The following ZBBX variants were observed in gnomAD, a reference collection of about 807,000 sequenced individuals.
The protein encoded by ZBBX is zinc finger B-box domain-containing protein 1.
Under a neutral mutation model 108.5 loss-of-function variants are expected in ZBBX, and 101 were observed. The observed-to-expected ratio is 0.93, with a 90% confidence interval of 0.79 to 1.10. The LOEUF (loss-of-function observed/expected upper bound fraction) is 1.10, where lower values mean the gene tolerates loss of function less well. Ranked by LOEUF, ZBBX falls within the 50% of genes least tolerant of loss-of-function variation. The pLI, the probability that ZBBX is intolerant of heterozygous loss-of-function variation, is 0.00. For missense variants in ZBBX, 1,009 were observed against 941.4 expected (o/e 1.07, Z -0.94); for synonymous variants, 356 against 323.4 (o/e 1.10, Z -1.08).
intron 20 of ZBBX, among the ~76,000 whole-genome samples, chr3:167,265,836 G>A (rs896147694): frequency 9.2e-5 from 14 of 152,214 alleles, no homozygotes; most frequent in African/African-American, 2.9e-4. Flanking sequence ...CACTGGCTGA[G>A]CCCAGCACAG....
intron 9 of ZBBX, among the ~76,000 whole-genome samples, chr3:167,335,559 G>C (rs1739413552): frequency 6.6e-6 from 1 of 151,440 alleles, no homozygotes; most frequent in Admixed American, 6.6e-5. Flanking sequence ...CTCCAAACAA[G>C]AAAAATTTAG....
the ZBBX span, among the ~76,000 whole-genome samples, chr3:167,184,873 G>T: frequency 6.6e-6 from 1 of 152,240 alleles, no homozygotes; most frequent in African/African-American, 2.4e-5. Context: ...ATTTATATAA[G>T]AACCCAAATT....
chr3:167,257,997 T>C (rs1038899379), intron 20 of ZBBX, among the ~76,000 whole-genome samples: 9 of 152,202 alleles, frequency 5.9e-5, no homozygotes, highest in Non-Finnish European at 7.4e-5. Flanking sequence ...AAAAACTCTT[T>C]AGTTTAATTC....
chr3:167,330,868 GAGGAGAAGAAGA>G lies in ZBBX; in HGVS notation c.688-2764_688-2753del, dbSNP rs1331085827. 1.8e-3 allele frequency among the ~76,000 whole-genome samples: 79 copies of G among 43,330 alleles called. 3 individuals are homozygous for G. The East Asian group carries it at 0.037, about 20-fold the overall frequency. 28.4% of individuals were successfully genotyped at this position (43,330 alleles called of 152,430 possible). ...AGAGGAGGAGGAGGAGGAGGAGGAG[GAGGAGAAGAAGA>G]AGAAGAAGAAGAAGAAGAAGAAGAA... On this transcript the variant is annotated intron_variant, in intron 10 of 21. Coordinates refer to ENST00000675490, the MANE Select transcript of ZBBX (RefSeq NM_001199201.2).
chr3:167,328,253 CT>C, intron 10 of ZBBX, 137 bp from the exon 11 acceptor site: 1 of 878,122 alleles, frequency 1.1e-6, no homozygotes, highest in Non-Finnish European at 1.7e-6. Flanking sequence ...ACTTTTTAAA[CT>C]TAGAATATTT....
chr3:167,218,988 TC>T, the ZBBX span, among the ~76,000 whole-genome samples: 9 of 52,052 alleles, frequency 1.7e-4, no homozygotes, highest in Admixed American at 7.6e-4. Flanking sequence ...TATACTTGTA[TC>T]AAAAAAAAAA....
At chr3:167,328,768 A>G (rs980981117) in intron 10 of ZBBX, among the ~76,000 whole-genome samples, 5 of 152,178 alleles carry the variant, frequency 3.3e-5, no homozygotes, top group African/African-American at 1.2e-4. Flanking sequence ...ATCTTTACAT[A>G]GCCATTCCCT....
chr3:167,184,201 A>C, the ZBBX span, among the ~76,000 whole-genome samples: 1 of 152,324 alleles, frequency 6.6e-6, no homozygotes, highest in African/African-American at 2.4e-5. Flanking sequence ...AAGAAAATAA[A>C]ATTTCAGAAT....
chr3:167,204,881 A>C, the ZBBX span, among the ~76,000 whole-genome samples: 1 of 151,842 alleles, frequency 6.6e-6, no homozygotes, highest in African/African-American at 2.4e-5. Context: ...AGAAGATAAG[A>C]TATAGAGGAC....
At position 167,400,113 on chromosome 3, in the gene ZBBX, A is replaced by C. The variant is rs553733283; in HGVS notation, c.-446+7613T>G. Among the ~76,000 whole-genome samples the C allele has an allele frequency of 2.7e-4, 41 of 152,238 alleles. No homozygotes were observed. The South Asian group carries it at 8.3e-3, about 31-fold the overall frequency. ...CTTTATTCAATCCACCATTGATGGA[A>C]CCCTAAGTTGATTCCGTGTCTTTTT... On this transcript the variant is annotated intron_variant, in intron 1 of 21. Transcript: ENST00000455345.
chr3:167,354,161 T>G (rs950118874), intron 8 of ZBBX, among the ~76,000 whole-genome samples: 1 of 151,692 alleles, frequency 6.6e-6, no homozygotes, highest in African/African-American at 2.4e-5. Flanking sequence ...ATATCTTGTG[T>G]TTTTTTTAAC....
chr3:167,379,373 C>A (rs897862373), intron 2 of ZBBX, among the ~76,000 whole-genome samples: 2 of 152,148 alleles, frequency 1.3e-5, no homozygotes, highest in African/African-American at 4.8e-5. Context: ...TATTAAGTGT[C>A]TTGAAAGACA....
chr3:167,378,724 A>T lies in ZBBX; in HGVS notation c.-132+914T>A, dbSNP rs548022548. ...AAATGGAGCATCAAGATTGTGCTTTACCCTTAGCATCTCTGCTTTCATCTT... is the reference window on the plus strand; with the variant it reads ...AAATGGAGCATCAAGATTGTGCTTTTCCCTTAGCATCTCTGCTTTCATCTT... On this transcript the variant is annotated intron_variant, in intron 2 of 21. Transcript: ENST00000675490. 2.0e-5 allele frequency among the ~76,000 whole-genome samples: 3 copies of T among 152,236 alleles called. No individual in the cohort carries two copies. In the East Asian group the frequency reaches 5.8e-4, roughly 29 times the overall value.
chr3:167,322,141 T>C lies in ZBBX; in HGVS notation c.959A>G (p.Lys320Arg). The change falls in exon 12 of 22, where the codon AAA (lysine) becomes AGA (arginine). Residue 320 changes from lysine (K) to arginine (R), a missense_variant. Coordinates refer to ENST00000675490, the MANE Select transcript of ZBBX (RefSeq NM_001199201.2). ...LKEDILSYMEKLWLKKHRRTP... is the reference protein window; with the variant it reads ...LKEDILSYMERLWLKKHRRTP... ...CCTCCTGTGTTTTTTAAGCCATAAT[T>C]TTTCCATATAGGATAGAATGTCTTC... is the stretch of plus-strand genomic sequence containing the variant. The C allele has an allele frequency of 7.4e-7, 1 of 1,343,850 alleles. No individual in the cohort carries two copies. Among genetic ancestry groups the C allele is most frequent in the Non-Finnish European group, 9.8e-7 (1 of 1,018,584 alleles). The allele number at this position is 1,343,850 out of a possible 1,614,324, so 83.2% of individuals were successfully genotyped here.
intron 20 of ZBBX, among the ~76,000 whole-genome samples, chr3:167,247,404 C>T (rs1204047035): frequency 6.6e-6 from 1 of 152,152 alleles, no homozygotes; most frequent in Non-Finnish European, 1.5e-5. Context: ...TCTCCCTTCT[C>T]GCTTCCCCAT....
At chr3:167,387,850 AC>A (rs1747965635) in intron 1 of ZBBX, among the ~76,000 whole-genome samples, 1 of 151,986 alleles carries the variant, frequency 6.6e-6, no homozygotes, top group Non-Finnish European at 1.5e-5. Context: ...AGGATGACCC[AC>A]GTGTATTTAT....
At chr3:167,291,583 A>T (rs1278227857) in intron 18 of ZBBX, among the ~76,000 whole-genome samples, 1 of 152,230 alleles carries the variant, frequency 6.6e-6, no homozygotes. Flanking sequence ...AACAAATGGT[A>T]CCAGACACTG....
In ZBBX at chr3:167,400,080, T is replaced by A. The variant is rs181039826; in HGVS notation, c.-446+7646A>T. Among the ~76,000 whole-genome samples, 15 of 152,302 alleles carry A rather than the reference T, an allele frequency of 9.8e-5. No homozygotes were observed. The East Asian group carries it at 2.7e-3, about 27-fold the overall frequency. On this transcript the variant is annotated intron_variant, in intron 1 of 21. Transcript: ENST00000455345. ...ATAGTATTCCGTAGTGTATATGTAC[T>A]ACATTTTCTTTATTCAATCCACCAT...
At chr3:167,338,814 T>C (rs951716711) in intron 9 of ZBBX, among the ~76,000 whole-genome samples, 4 of 151,974 alleles carry the variant, frequency 2.6e-5, no homozygotes, top group African/African-American at 7.2e-5. Flanking sequence ...AGAGAAAAAA[T>C]TGTGTTATAG....
Sources: allele counts gnomAD v4.1 joint callset (sites outside exome capture counted in the v4.1 genomes callset), GRCh38; gene constraint gnomAD v4.1.1; transcripts MANE v1.5; gene names NCBI Gene and HGNC (gene_info 2026-07-23, HGNC 2026-07-21).